The following NEGR1 variants were observed in gnomAD, a reference collection of about 807,000 sequenced individuals.
NEGR1 encodes the protein IgLON family member 4.
In NEGR1, 10 loss-of-function variants were observed where a neutral mutation model predicts 40.9. The ratio of observed to expected loss-of-function variants is 0.24; its 90% confidence interval spans 0.15 to 0.42. NEGR1 has a LOEUF of 0.42. NEGR1 is among the 10% of genes least tolerant of loss of function. The pLI is 1.00. For missense variants in NEGR1, 352 were observed against 438.9 expected, an observed-to-expected ratio of 0.80 and a Z score of 1.77; for synonymous variants, 185 against 166.8, an observed-to-expected ratio of 1.11 and a Z score of -0.84.
At chr1:72,230,637 C>G (rs1476108215) in intron 1 of NEGR1, among the ~76,000 whole-genome samples, 1 of 151,984 alleles carries the variant, frequency 6.6e-6, no homozygotes, top group East Asian at 1.9e-4. Flanking sequence ...TCTCTTATAA[C>G]CAAAGTACAC....
intron 2 of NEGR1, among the ~76,000 whole-genome samples, chr1:71,902,245 A>G (rs1206926262): frequency 1.3e-5 from 2 of 152,160 alleles, no homozygotes; most frequent in Non-Finnish European, 2.9e-5. Context: ...TCACTAGATG[A>G]TAAAATAAGA....
At chr1:72,071,127 C>A (rs1466685909) in intron 1 of NEGR1, among the ~76,000 whole-genome samples, 3 of 151,682 alleles carry the variant, frequency 2.0e-5, no homozygotes, top group Non-Finnish European at 2.9e-5. Flanking sequence ...AAAAATAGAA[C>A]CACAGGCATA....
intron 6 of NEGR1, among the ~76,000 whole-genome samples, chr1:71,567,778 T>A (rs1422215364): frequency 1.3e-5 from 2 of 152,018 alleles, no homozygotes; most frequent in Non-Finnish European, 1.5e-5. Flanking sequence ...TATTAGGAAC[T>A]GGGGTTTTGG....
chr1:71,424,385 A>T (rs1646416285), intron 6 of NEGR1, among the ~76,000 whole-genome samples: 1 of 152,164 alleles, frequency 6.6e-6, no homozygotes, highest in Non-Finnish European at 1.5e-5. Context: ...TGTGCACAGA[A>T]TTACCTCAGT....
intron 1 of NEGR1, among the ~76,000 whole-genome samples, chr1:72,028,514 C>A (rs1646830951): frequency 6.6e-6 from 1 of 152,112 alleles, no homozygotes; most frequent in Non-Finnish European, 1.5e-5. Context: ...TAAAACAACC[C>A]TCTATCTTCT....
intron 1 of NEGR1, among the ~76,000 whole-genome samples, chr1:72,123,478 T>C (rs973580642): frequency 1.3e-5 from 2 of 151,794 alleles, no homozygotes. Flanking sequence ...CAGGTGGTCA[T>C]TCATATGGAG....
chr1:71,910,946 C>T (rs971909990), intron 2 of NEGR1, among the ~76,000 whole-genome samples: 1 of 152,116 alleles, frequency 6.6e-6, no homozygotes. Context: ...GATCCATCTA[C>T]CGCAGCTTTT....
chr1:71,849,854 CA>C (rs1429472443), intron 2 of NEGR1, among the ~76,000 whole-genome samples: 1 of 152,066 alleles, frequency 6.6e-6, no homozygotes, highest in Admixed American at 6.6e-5. Flanking sequence ...AAGGTGTGTA[CA>C]TTTTTTTAGA....
At chr1:72,030,850 C>T (rs989322214) in intron 1 of NEGR1, among the ~76,000 whole-genome samples, 1 of 152,090 alleles carries the variant, frequency 6.6e-6, no homozygotes, top group African/African-American at 2.4e-5. Flanking sequence ...GAATTCTACA[C>T]ACTTTCTTAG....
chr1:71,834,946 T>G (rs945831476), intron 2 of NEGR1, among the ~76,000 whole-genome samples: 3 of 133,640 alleles, frequency 2.2e-5, no homozygotes, highest in African/African-American at 8.1e-5. Flanking sequence ...ACACCCAACA[T>G]GTAGTGACTT....
chr1:71,397,899 G>A lies in NEGR1; in HGVS notation c.*9547C>T, dbSNP rs1375975150. The A allele has an allele frequency of 6.6e-6, 1 of 152,322 alleles. No individual in the cohort carries two copies. Among genetic ancestry groups the A allele is most frequent in the Non-Finnish European group, 1.5e-5 (1 of 68,154 alleles). 9.4% of individuals were successfully genotyped at this position (152,322 alleles called of 1,614,324 possible). On this transcript the variant is annotated 3_prime_UTR_variant, in exon 7 of 7. Coordinates refer to ENST00000357731, the MANE Select transcript of NEGR1 (RefSeq NM_173808.3). ...GCCTGGCCCAGGGTCCCTCTGCTAT[G>A]TGCAGTCTAGGAACTTGGTGCTCTG... is the stretch of plus-strand genomic sequence containing the variant.
intron 3 of NEGR1, among the ~76,000 whole-genome samples, chr1:71,710,679 A>AATC (rs1358679697): frequency 2.0e-5 from 3 of 152,092 alleles, no homozygotes; most frequent in Non-Finnish European, 2.9e-5. Context: ...AAATAATAAT[A>AATC]ATAATAAAAA....
intron 6 of NEGR1, among the ~76,000 whole-genome samples, chr1:71,568,247 T>C (rs994675919): frequency 2.0e-5 from 3 of 152,166 alleles, no homozygotes; most frequent in African/African-American, 4.8e-5. Context: ...AAAACCTCCT[T>C]GATGGGGGAT....
intron 3 of NEGR1, among the ~76,000 whole-genome samples, chr1:71,715,048 T>A (rs1654229489): frequency 6.6e-6 from 1 of 152,238 alleles, no homozygotes; most frequent in Admixed American, 6.5e-5. Flanking sequence ...GGTTTCCATA[T>A]ATCCTCTGAA....
At position 72,199,256 on chromosome 1, in the gene NEGR1, G is replaced by A. The variant is rs12032861; in HGVS notation, c.176+83063C>T. Among the ~76,000 whole-genome samples, 374 of 114,084 alleles carry A rather than the reference G, an allele frequency of 3.3e-3. 13 individuals are homozygous for A. In the East Asian group the frequency reaches 0.058, roughly 18 times the overall value. The allele number at this position is 114,084 out of a possible 152,430, so 74.8% of individuals were successfully genotyped here. ...AGGGGCTGCATAACATGTATACTGC[G>A]CTACTCTGGGGGGGGTGCCATGCAC... is the stretch of plus-strand genomic sequence containing the variant. On this transcript the variant is annotated intron_variant, in intron 1 of 6. Transcript: ENST00000357731.
chr1:71,756,523 T>C (rs923652233), intron 3 of NEGR1, among the ~76,000 whole-genome samples: 1 of 152,126 alleles, frequency 6.6e-6, no homozygotes, highest in Admixed American at 6.6e-5. Flanking sequence ...AATTATTTCT[T>C]GTCATGTCAC....
chr1:72,204,428 C>T (rs560063550), intron 1 of NEGR1, among the ~76,000 whole-genome samples: 1 of 152,148 alleles, frequency 6.6e-6, no homozygotes, highest in East Asian at 1.9e-4. Flanking sequence ...TAAATGCTAA[C>T]AAATACAGCC....
chr1:71,877,393 G>A (rs148023926), intron 2 of NEGR1, among the ~76,000 whole-genome samples: 57 of 152,162 alleles, frequency 3.7e-4, no homozygotes, highest in African/African-American at 1.2e-3. Context: ...AGATCAAGGC[G>A]TGGGCAGGTT....
intron 2 of NEGR1, among the ~76,000 whole-genome samples, chr1:71,910,529 T>C (rs1187011304): frequency 1.3e-5 from 2 of 152,136 alleles, no homozygotes; most frequent in Non-Finnish European, 2.9e-5. Context: ...GTCCAGATAA[T>C]TTGACTTGAA....
Sources: gnomAD v4.1 joint callset for allele counts (sites outside exome capture counted in the v4.1 genomes callset) on GRCh38, gnomAD v4.1.1 for gene constraint, MANE v1.5 for transcripts, NCBI Gene and HGNC (gene_info 2026-07-23, HGNC 2026-07-21) for gene names.